RUFY2: variants seen among roughly 807,000 people sequenced by gnomAD.
RUFY2 encodes the protein RUN and FYVE domain-containing protein 2.
RUFY2 carries 49 observed loss-of-function variants against 94.4 expected under a neutral mutation model. That is an observed-to-expected ratio of 0.52 (90% CI 0.41 to 0.66). RUFY2 has a LOEUF of 0.66. Ranked by LOEUF, RUFY2 falls within the 30% of genes least tolerant of loss-of-function variation. The probability of loss-of-function intolerance (pLI) is 0.00; values close to 1 mark genes in which losing one functional copy is unlikely to be tolerated. For synonymous variants in RUFY2, 255 were observed against 235.7 expected, an observed-to-expected ratio of 1.08 and a Z score of -0.75; for missense variants, 541 against 692.8, an observed-to-expected ratio of 0.78 and a Z score of 2.46.
chr10:68,341,728 T>C (rs541182192), downstream of RUFY2: 4 of 1,582,460 alleles, frequency 2.5e-6, no homozygotes, highest in Non-Finnish European at 3.4e-6. Flanking sequence ...TATCGATGAG[T>C]CTCAATTTTT....
intron 13 of RUFY2, among the ~76,000 whole-genome samples, chr10:68,365,440 T>C (rs1295752830): frequency 1.3e-5 from 2 of 152,182 alleles, no homozygotes; most frequent in African/African-American, 2.4e-5. Context: ...ATTATCTACA[T>C]TGTCCCAGCC....
intron 16 of RUFY2, 41 bp from the exon 17 acceptor site, chr10:68,346,125 AAAAATT>A (rs778202340): frequency 3.1e-4 from 456 of 1,487,314 alleles, no homozygotes; most frequent in Non-Finnish European, 4.1e-4. Flanking sequence ...TGGTAACACT[AAAAATT>A]AAATGTGAAA....
intron 13 of RUFY2, among the ~76,000 whole-genome samples, chr10:68,368,506 A>G (rs1195238122): frequency 6.6e-6 from 1 of 151,842 alleles, no homozygotes; most frequent in Non-Finnish European, 1.5e-5. Context: ...CTAAAAATAC[A>G]AAATTAGCCA....
intron 13 of RUFY2, among the ~76,000 whole-genome samples, chr10:68,365,944 A>G (rs2132514374): frequency 6.6e-6 from 1 of 152,330 alleles, no homozygotes; most frequent in South Asian, 2.1e-4. Flanking sequence ...AAAGTGAATG[A>G]AAAAGCAAAG....
chr10:68,353,299 C>A (rs1246689740), intron 16 of RUFY2, among the ~76,000 whole-genome samples: 1 of 151,128 alleles, frequency 6.6e-6, no homozygotes, highest in African/African-American at 2.4e-5. Context: ...CCACTGCACT[C>A]CAGCCTGGGT....
At chr10:68,387,381 G>A (rs1159269787) in intron 7 of RUFY2, among the ~76,000 whole-genome samples, 1 of 151,860 alleles carries the variant, frequency 6.6e-6, no homozygotes, top group African/African-American at 2.4e-5. Context: ...GTTGTCCAAG[G>A]CCTGCTTGAT....
intron 16 of RUFY2, among the ~76,000 whole-genome samples, chr10:68,348,569 C>G (rs148847551): frequency 3.3e-5 from 5 of 151,178 alleles, no homozygotes; most frequent in African/African-American, 1.2e-4. Flanking sequence ...AAAGATAATC[C>G]AACTTGATGA....
In RUFY2 at chr10:68,381,319, G is replaced by A; in HGVS notation, c.1020C>T (p.Ile340=). ...ELAMKLLEKD[I]HEKQDTLIGL... ...CTATCAGAGTATCTTGTTTCTCATG[G>A]ATATCTTTCTCCAGCAACTTCATGG... Residue 340 remains isoleucine (I), a synonymous_variant, in exon 11 of 18, where the codon ATC becomes ATT. Transcript: ENST00000602465. 6.2e-7 allele frequency: 1 copy of A among 1,613,722 alleles called. No individual in the cohort carries two copies. The highest frequency in any genetic ancestry group is 1.7e-5 in the Admixed American group (1 of 59,976).
At position 68,407,259 on chromosome 10, in the gene RUFY2, G is replaced by C; in HGVS notation, c.-70C>G. Reference sequence around the variant, plus strand: ...GTCCAGCAGCTCCTTCCAGGCGCTCGGCGGCCACCACCGCATCTGCAGCCA... The same window carrying C: ...GTCCAGCAGCTCCTTCCAGGCGCTCCGCGGCCACCACCGCATCTGCAGCCA... On this transcript the variant is annotated 5_prime_UTR_variant, in exon 1 of 18. Coordinates refer to ENST00000602465, the MANE Select transcript of RUFY2 (RefSeq NM_001330103.2). 1 of 1,241,390 alleles carries C rather than the reference G, an allele frequency of 8.1e-7. No homozygotes were observed. The highest frequency in any genetic ancestry group is 1.0e-6 in the Non-Finnish European group (1 of 982,680). The allele number at this position is 1,241,390 out of a possible 1,614,324, so 76.9% of individuals were successfully genotyped here.
intron 15 of RUFY2, 34 bp downstream of exon 15, chr10:68,363,556 A>T: frequency 7.4e-7 from 1 of 1,353,558 alleles, no homozygotes; most frequent in Non-Finnish European, 1.0e-6. Flanking sequence ...AAAAGTCAAT[A>T]ATGACTACTT....
In RUFY2 at chr10:68,363,620, G is replaced by A; in HGVS notation, c.1520C>T (p.Ala507Val). 1 of 1,608,268 alleles carries A rather than the reference G, an allele frequency of 6.2e-7. No individual in the cohort carries two copies. The highest frequency in any genetic ancestry group is 1.3e-5 in the African/African-American group (1 of 74,764). The change falls in exon 15 of 18, where the codon GCT becomes GTT. Residue 507 changes from alanine (A) to valine (V), a missense_variant. Physicochemically the swap from Ala to Val is moderately conservative, Grantham distance 64. Transcript: ENST00000602465. ...AAGCTTGTTGCCGAGTTCTTGAAGA[G>A]CTTGCTCTTGTTCATGATATATTTT... ...LKKIYHEQEQ[A>V]LQELGNKLSE...
At chr10:68,404,898 A>G in intron 1 of RUFY2, 54 bp from the exon 2 acceptor site, 1 of 1,412,762 alleles carries the variant, frequency 7.1e-7, no homozygotes, top group Non-Finnish European at 9.6e-7. Context: ...ACAATGAAAA[A>G]TATACAAACC....
At chr10:68,406,726 C>A in intron 1 of RUFY2, 2 of 1,572,418 alleles carry the variant, frequency 1.3e-6, no homozygotes, top group Non-Finnish European at 1.7e-6. Flanking sequence ...GGCCTGGGGG[C>A]CCCCCAGGAC....
chr10:68,369,398 T>C (rs911026072), intron 13 of RUFY2, among the ~76,000 whole-genome samples: 6 of 151,424 alleles, frequency 4.0e-5, no homozygotes, highest in Admixed American at 3.3e-4. Flanking sequence ...GGCAGGAGGA[T>C]TGCCTGAACT....
In RUFY2 at chr10:68,344,758, T is replaced by A. The variant is rs1325542782; in HGVS notation, c.*1010A>T. 1 of 152,230 alleles carries A rather than the reference T, an allele frequency of 6.6e-6. No individual in the cohort carries two copies. The highest frequency in any genetic ancestry group is 1.5e-5 in the Non-Finnish European group (1 of 68,036). The allele number at this position is 152,230 out of a possible 1,614,324, so 9.4% of individuals were successfully genotyped here. A position where few individuals can be genotyped will look rare whatever the true frequency, so the allele number is the denominator to read the frequency against. ...TTGGCATAGAGGTGCTCAATGGACA[T>A]GGTGAAATTTTACTGTGGATGTATA... is the stretch of plus-strand genomic sequence containing the variant. On this transcript the variant is annotated 3_prime_UTR_variant, in exon 18 of 18. Transcript: ENST00000602465.
At chr10:68,360,068 C>T (rs906902998) in intron 15 of RUFY2, among the ~76,000 whole-genome samples, 2 of 151,884 alleles carry the variant, frequency 1.3e-5, no homozygotes, top group Non-Finnish European at 2.9e-5. Flanking sequence ...TCAAGTGATC[C>T]GCCCGCCTCA....
chr10:68,385,312 A>G (rs2049412520), intron 8 of RUFY2, among the ~76,000 whole-genome samples: 1 of 152,070 alleles, frequency 6.6e-6, no homozygotes, highest in Non-Finnish European at 1.5e-5. Context: ...AACATGGAAA[A>G]TAGGGTTCAC....
rs1456703266 is a variant in RUFY2 at position 68,377,842 on chromosome 10, ACT to A, written c.1206-872_1206-871del. 4.1e-6 allele frequency: 4 copies of A among 984,402 alleles called. No homozygotes were observed. In the African/African-American group the frequency reaches 5.3e-5, roughly 13 times the overall value. The allele number at this position is 984,402 out of a possible 1,614,324, so 61.0% of individuals were successfully genotyped here. The stretch of plus-strand genomic sequence containing the variant: ...AAATTTCGGTTCAACTAACTAAAAA[ACT>A]CTTCCTCTTCCTTTCTTCCTTAAAA... On this transcript the variant is annotated intron_variant, in intron 12 of 17. Transcript: ENST00000602465.
At chr10:68,391,653 CAAAA>C (rs1230935983) in intron 7 of RUFY2, among the ~76,000 whole-genome samples, 1 of 28,788 alleles carries the variant, frequency 3.5e-5, no homozygotes, top group African/African-American at 1.5e-4. Flanking sequence ...GACCCTGTCT[CAAAA>C]AAAAAAAAAA....
Sources: gnomAD v4.1 joint callset for allele counts (sites outside exome capture counted in the v4.1 genomes callset) on GRCh38, gnomAD v4.1.1 for gene constraint, MANE v1.5 for transcripts, NCBI Gene and HGNC (gene_info 2026-07-23, HGNC 2026-07-21) for gene names.